RSRC2: variants seen among roughly 807,000 people sequenced by gnomAD.
RSRC2 encodes arginine/serine-rich coiled-coil protein 2.
Under a neutral mutation model 61.3 loss-of-function variants are expected in RSRC2, and 5 were observed. The ratio of observed to expected loss-of-function variants is 0.08; its 90% CI spans 0.04 to 0.17. The LOEUF is 0.17. Among genes scored for constraint, RSRC2 ranks in the 10% least tolerant of loss-of-function variants. The pLI is 1.00. For synonymous variants in RSRC2, 202 were observed against 166.5 expected (o/e 1.21, Z -1.64); for missense variants, 381 against 518.8 (o/e 0.73, Z 2.58).
chr12:122,521,946 G>C (rs1232080372), intron 2 of RSRC2, among the ~76,000 whole-genome samples, 197 bp downstream of exon 2: 1 of 152,128 alleles, frequency 6.6e-6, no homozygotes, highest in Non-Finnish European at 1.5e-5. Flanking sequence ...GGTTGCATTG[G>C]GCTGAGAGTG....
chr12:122,515,033 T>C lies in RSRC2; in HGVS notation c.725+72A>G, dbSNP rs1486952317. ...GTGAATCATTCTCTTACTGAAAGAA[T>C]TCATCTTATCCACACAATTGAGCAT... On this transcript the variant is annotated intron_variant, in intron 6 of 9. Transcript: ENST00000331738. The C allele has an allele frequency of 3.3e-6, 5 of 1,496,872 alleles. No individual in the cohort carries two copies. In the South Asian group the frequency reaches 6.0e-5, roughly 18 times the overall value. 92.7% of individuals were successfully genotyped at this position (1,496,872 alleles called of 1,614,324 possible). A position where few individuals can be genotyped will look rare whatever the true frequency, so the allele number is the denominator to read the frequency against.
chr12:122,515,035 C>T (rs989661157), intron 6 of RSRC2, 70 bp downstream of exon 6: 2 of 1,500,646 alleles, frequency 1.3e-6, no homozygotes, highest in Non-Finnish European at 1.8e-6. Context: ...TGAAAGAATT[C>T]ATCTTATCCA....
chr12:122,505,823 G>T, intron 9 of RSRC2, 117 bp from the exon 10 acceptor site: 2 of 799,834 alleles, frequency 2.5e-6, no homozygotes, highest in Non-Finnish European at 3.8e-6. Flanking sequence ...CTGTTGTCCC[G>T]TCTGGAGTGC....
intron 5 of RSRC2, among the ~76,000 whole-genome samples, chr12:122,515,433 G>C (rs561371110): frequency 3.3e-5 from 5 of 152,218 alleles, no homozygotes; most frequent in Admixed American, 2.0e-4. Context: ...AAGAGACAGG[G>C]TCTCACCATG....
intron 7 of RSRC2, among the ~76,000 whole-genome samples, 168 bp downstream of exon 7, chr12:122,510,941 C>T (rs542541273): frequency 4.6e-5 from 7 of 152,074 alleles, no homozygotes; most frequent in South Asian, 2.1e-4. Flanking sequence ...CCCAGCTACT[C>T]GGTAGGCTGA....
Position 122,518,846 on chromosome 12 carries a change from G to A in RSRC2, c.391C>T (p.Arg131Cys), listed in dbSNP as rs769891355. ...TAATACAACATGACTTACCTTTCAC[G>A]AGACCTAGATCTTGAGTGACTTCTG... ...RGRSHSRSRS[R>C]ERRHRSRSRE... The change falls in exon 4 of 10, where the codon CGT (arginine) becomes TGT (cysteine). Residue 131 changes from arginine to cysteine, a missense_variant. By Grantham distance (180) the Arg-to-Cys change is radical. This residue lies in a region of RSRC2 where 266 missense variants were observed against 270.5 expected (regional missense o/e 0.98). Coordinates refer to ENST00000331738, the MANE Select transcript of RSRC2 (RefSeq NM_023012.6). 3 of 1,613,278 alleles carry A rather than the reference G, an allele frequency of 1.9e-6. No homozygotes were observed. Among genetic ancestry groups the A allele is most frequent in the Non-Finnish European group, 2.5e-6 (3 of 1,179,334 alleles).
chr12:122,520,525 T>A (rs915648177), intron 3 of RSRC2: 1 of 1,367,048 alleles, frequency 7.3e-7, no homozygotes, highest in African/African-American at 1.5e-5. Context: ...GTAGGCTTAT[T>A]ATTTTGCTAT....
rs568460659 is a variant in RSRC2 at position 122,523,767 on chromosome 12, A to G, written c.7-1468T>C. 2.0e-5 allele frequency: 3 copies of G among 152,356 alleles called. No individual in the cohort carries two copies. In the East Asian group the frequency reaches 5.8e-4, roughly 29 times the overall value. 9.4% of individuals were successfully genotyped at this position (152,356 alleles called of 1,614,324 possible). A position where few individuals can be genotyped will look rare whatever the true frequency, so the allele number is the denominator to read the frequency against. On this transcript the variant is annotated intron_variant, in intron 1 of 9. Coordinates refer to ENST00000331738, the MANE Select transcript of RSRC2 (RefSeq NM_023012.6). ...TTTAAACAAGTATCAAGTACAATAA[A>G]TGGGTGTATTGTACTTTAATAAATG... is the stretch of plus-strand genomic sequence containing the variant.
chr12:122,522,395 C>G, intron 1 of RSRC2, 96 bp from the exon 2 acceptor site: 1 of 1,154,944 alleles, frequency 8.7e-7, no homozygotes, highest in Non-Finnish European at 1.2e-6. Context: ...GATAGCCCCC[C>G]ACAATCAATA....
At position 122,505,590 on chromosome 12, in the gene RSRC2, G is replaced by T. The variant is rs769303327; in HGVS notation, c.1242C>A (p.Thr414=). ...DAQYEMARSQ[T]HTQRGMGLGF... ...CCAAACCCATTCCTCTTTGTGTGTG[G>T]GTTTGTGATCTTGCCATTTCATACT... The change falls in exon 10 of 10, where the codon ACC becomes ACA. Residue 414 remains threonine (T), a synonymous_variant. Transcript: ENST00000331738. The T allele has an allele frequency of 3.7e-6, 6 of 1,614,006 alleles. No homozygotes were observed. Among genetic ancestry groups the T allele is most frequent in the Non-Finnish European group, 5.1e-6 (6 of 1,179,966 alleles).
At chr12:122,520,775 C>G in intron 3 of RSRC2, 1 of 348,122 alleles carries the variant, frequency 2.9e-6, no homozygotes, top group South Asian at 2.2e-5. Flanking sequence ...ACTACTTCTA[C>G]ACTTCCTTAT....
chr12:122,504,514 T>A lies in RSRC2; in HGVS notation c.*1013A>T, dbSNP rs763211350. ...GCGGTGGTACGCCTGTAATCCCAGT[T>A]ACATGGGAGGTGGAGGTGGGAGAAT... On this transcript the variant is annotated 3_prime_UTR_variant, in exon 10 of 10. Coordinates refer to ENST00000331738, the MANE Select transcript of RSRC2 (RefSeq NM_023012.6). 1 of 151,962 alleles carries A rather than the reference T, an allele frequency of 6.6e-6. No homozygotes were observed. 9.4% of individuals were successfully genotyped at this position (151,962 alleles called of 1,614,324 possible). A position where few individuals can be genotyped will look rare whatever the true frequency, so the allele number is the denominator to read the frequency against.
chr12:122,521,894 A>C lies in RSRC2; in HGVS notation c.163+249T>G, dbSNP rs557074106. ...CGCACGCCTATAATCCCAGCTACTC[A>C]GGAGGCTGAGGCAGAAGAACTGCCT... On this transcript the variant is annotated intron_variant, in intron 2 of 9. Coordinates refer to ENST00000331738, the MANE Select transcript of RSRC2 (RefSeq NM_023012.6). Among the ~76,000 whole-genome samples the C allele has an allele frequency of 4.9e-4, 75 of 152,348 alleles. 1 individual carries two copies. The highest frequency in any genetic ancestry group is 9.1e-4 in the Non-Finnish European group (62 of 68,032).
chr12:122,523,038 A>T (rs1379380664), intron 1 of RSRC2: 1 of 152,240 alleles, frequency 6.6e-6, no homozygotes, highest in African/African-American at 2.4e-5. Flanking sequence ...ATAACATGAA[A>T]ATAAAATAAT....
intron 8 of RSRC2, chr12:122,507,933 T>C: frequency 2.3e-6 from 1 of 435,370 alleles, no homozygotes; most frequent in Non-Finnish European, 4.3e-6. Context: ...CCCAAGCACC[T>C]GGGATTACAG....
At chr12:122,518,708 A>G (rs1279469246) in intron 4 of RSRC2, 131 bp downstream of exon 4, 10 of 786,700 alleles carry the variant, frequency 1.3e-5, no homozygotes, top group South Asian at 8.6e-5. Context: ...CAAAAAACAA[A>G]CAAAACCACA....
At chr12:122,524,682 T>C (rs949291111) in intron 1 of RSRC2, among the ~76,000 whole-genome samples, 1 of 152,176 alleles carries the variant, frequency 6.6e-6, no homozygotes, top group African/African-American at 2.4e-5. Flanking sequence ...CAAATAGGAA[T>C]GATAGGTGGT....
chr12:122,516,291 ATAAT>A (rs1391190980), intron 5 of RSRC2, among the ~76,000 whole-genome samples: 1 of 152,214 alleles, frequency 6.6e-6, no homozygotes, highest in African/African-American at 2.4e-5. Context: ...AAGAATATTT[ATAAT>A]TAGTTTTCCT....
intron 6 of RSRC2, chr12:122,514,630 C>G (rs1593388346): frequency 2.0e-6 from 2 of 999,530 alleles, no homozygotes; most frequent in African/African-American, 3.6e-5. Context: ...ATAAAACTTA[C>G]AAGATCAAAT....
Sources: allele counts gnomAD v4.1 joint callset (sites outside exome capture counted in the v4.1 genomes callset), GRCh38; gene constraint gnomAD v4.1.1; regional missense constraint gnomAD v4.1.1; transcripts MANE v1.5; gene names NCBI Gene and HGNC (gene_info 2026-07-23, HGNC 2026-07-21).